CEP170: variants seen among roughly 807,000 people sequenced by gnomAD.
CEP170 encodes centrosomal protein 170.
Under a neutral mutation model 151.9 loss-of-function variants are expected in CEP170, and 21 were observed. That is an observed-to-expected ratio of 0.14 (90% CI 0.10 to 0.20). The LOEUF (loss-of-function observed/expected upper bound fraction) is 0.20. Ranked by LOEUF, CEP170 falls within the 10% of genes least tolerant of loss-of-function variation. The pLI is 1.00. For synonymous variants in CEP170, 356 were observed against 648.8 expected (o/e 0.55, Z 6.86); for missense variants, 964 against 1,892.9 (o/e 0.51, Z 9.11).
At position 243,159,830 on chromosome 1, in the gene CEP170, C is replaced by T. The variant is rs184963612; in HGVS notation, c.3677-3375G>A. 5.2e-3 allele frequency among the ~76,000 whole-genome samples: 584 copies of T among 111,794 alleles called. 1 individual carries two copies. Among genetic ancestry groups the T allele is most frequent in the Middle Eastern group, 9.7e-3 (2 of 206 alleles). 73.3% of individuals were successfully genotyped at this position (111,794 alleles called of 152,430 possible). On this transcript the variant is annotated intron_variant, in intron 13 of 19. Transcript: ENST00000366542. ...TTGAGATGGAGTCTCCCTCTGTCACCCAGGCTGGAGGGCAATGGCGCCATC... is the reference window on the plus strand; with the variant it reads ...TTGAGATGGAGTCTCCCTCTGTCACTCAGGCTGGAGGGCAATGGCGCCATC...
At chr1:243,174,059 A>T (rs7532960) in intron 10 of CEP170, among the ~76,000 whole-genome samples, 2,744 of 151,714 alleles carry the variant, frequency 0.018, 80 homozygotes, top group African/African-American at 0.059. Context: ...TGCAGATTCC[A>T]GGCCTATTTA....
chr1:243,178,726 T>TC (rs1173205922), intron 10 of CEP170, among the ~76,000 whole-genome samples: 59 of 148,200 alleles, frequency 4.0e-4, no homozygotes, highest in African/African-American at 1.4e-3. Flanking sequence ...TTCTTCTTCT[T>TC]TTTTTTTTTT....
At chr1:243,143,099 T>C (rs1360604271) in intron 14 of CEP170, among the ~76,000 whole-genome samples, 1 of 152,212 alleles carries the variant, frequency 6.6e-6, no homozygotes, top group Non-Finnish European at 1.5e-5. Flanking sequence ...TAACTGAATT[T>C]CAATATAATT....
At chr1:243,218,462 A>G (rs2148961904) in intron 3 of CEP170, among the ~76,000 whole-genome samples, 1 of 152,358 alleles carries the variant, frequency 6.6e-6, no homozygotes, top group South Asian at 2.1e-4. Context: ...ATGGCCCGTT[A>G]AAATATCAGC....
At position 243,125,828 on chromosome 1, in the gene CEP170, A is replaced by T. The variant is rs2053649602; in HGVS notation, c.*621T>A. 3.7e-6 allele frequency: 1 copy of T among 272,478 alleles called. No homozygotes were observed. The highest frequency in any genetic ancestry group is 4.9e-5 in the Admixed American group (1 of 20,568). The allele number at this position is 272,478 out of a possible 1,614,324, so 16.9% of individuals were successfully genotyped here. A position where few individuals can be genotyped will look rare whatever the true frequency, so the allele number is the denominator to read the frequency against. ...TCCCAGCAAATCTTAGTGCAAACAT[A>T]ATAGTTAATTTCCGTAAACCCCAAG... is the stretch of plus-strand genomic sequence containing the variant. On this transcript the variant is annotated 3_prime_UTR_variant, in exon 20 of 20. Transcript: ENST00000366542.
At chr1:243,193,646 G>A (rs577602413) in intron 7 of CEP170, among the ~76,000 whole-genome samples, 1 of 152,112 alleles carries the variant, frequency 6.6e-6, no homozygotes, top group African/African-American at 2.4e-5. Flanking sequence ...ACTTATACAA[G>A]TTAATAACTA....
chr1:243,150,151 C>T (rs553019337), intron 14 of CEP170, among the ~76,000 whole-genome samples: 227 of 152,128 alleles, frequency 1.5e-3, no homozygotes, highest in Non-Finnish European at 2.2e-3. Flanking sequence ...ATAGGTGTTC[C>T]GTGATACATC....
At chr1:243,212,481 A>T (rs533204363) in intron 3 of CEP170, among the ~76,000 whole-genome samples, 2 of 152,294 alleles carry the variant, frequency 1.3e-5, no homozygotes, top group East Asian at 3.9e-4. Flanking sequence ...CCCTTTAGGA[A>T]TCACATACAT....
chr1:243,162,799 T>C (rs902192043), intron 13 of CEP170, among the ~76,000 whole-genome samples: 1 of 152,164 alleles, frequency 6.6e-6, no homozygotes, highest in Non-Finnish European at 1.5e-5. Context: ...CAGAAGAAAT[T>C]TCATCAGGAA....
At chr1:243,182,594 C>A (rs1033189865) in intron 10 of CEP170, among the ~76,000 whole-genome samples, 4 of 152,186 alleles carry the variant, frequency 2.6e-5, no homozygotes, top group Non-Finnish European at 5.9e-5. Context: ...TCCCCACTGC[C>A]TTCGGCATTA....
chr1:243,156,564 T>C, intron 13 of CEP170, 109 bp from the exon 14 acceptor site: 2 of 1,026,346 alleles, frequency 1.9e-6, no homozygotes, highest in Non-Finnish European at 2.8e-6. Flanking sequence ...CGGCACAATT[T>C]TCAATAACTG....
intron 3 of CEP170, among the ~76,000 whole-genome samples, chr1:243,217,390 C>A (rs1216266381): frequency 6.6e-6 from 1 of 152,142 alleles, no homozygotes; most frequent in African/African-American, 2.4e-5. Flanking sequence ...ACCTAAAACA[C>A]CACATTTACT....
chr1:243,218,343 G>A (rs1373491494), intron 3 of CEP170, among the ~76,000 whole-genome samples: 1 of 152,260 alleles, frequency 6.6e-6, no homozygotes, highest in African/African-American at 2.4e-5. Context: ...GTAGGGCAGA[G>A]GCCATGGTGG....
intron 4 of CEP170, among the ~76,000 whole-genome samples, chr1:243,205,277 A>T (rs1419024804): frequency 1.3e-5 from 2 of 152,226 alleles, no homozygotes; most frequent in Admixed American, 1.3e-4. Context: ...GGCCAGGAAT[A>T]GTACCTACTC....
intron 10 of CEP170, chr1:243,176,808 G>C (rs1250396716): frequency 2.5e-6 from 1 of 396,060 alleles, no homozygotes; most frequent in Non-Finnish European, 4.9e-6. Context: ...AAAAAGAAGA[G>C]GCTGTCACCT....
intron 8 of CEP170, among the ~76,000 whole-genome samples, chr1:243,190,342 G>C (rs1433478034): frequency 6.6e-6 from 1 of 152,090 alleles, no homozygotes; most frequent in Non-Finnish European, 1.5e-5. Flanking sequence ...CTGATCAGCT[G>C]ATACATCAGT....
At chr1:243,214,573 A>AAAATT (rs2062104615) in intron 3 of CEP170, among the ~76,000 whole-genome samples, 1 of 130,918 alleles carries the variant, frequency 7.6e-6, no homozygotes, top group African/African-American at 2.5e-5. Context: ...GGGGTGAGCT[A>AAAATT]CTGCGCCCAG....
intron 8 of CEP170, among the ~76,000 whole-genome samples, chr1:243,188,862 T>C (rs1307921669): frequency 6.6e-6 from 1 of 152,278 alleles, no homozygotes; most frequent in African/African-American, 2.4e-5. Context: ...TTTTATATCC[T>C]AAATCATGGA....
At chr1:243,238,349 C>A (rs988245427) in intron 1 of CEP170, among the ~76,000 whole-genome samples, 1 of 151,898 alleles carries the variant, frequency 6.6e-6, no homozygotes, top group Non-Finnish European at 1.5e-5. Flanking sequence ...GTCCCAGCTA[C>A]AAGGGAGGCT....
Sources: gnomAD v4.1 joint callset for allele counts (sites outside exome capture counted in the v4.1 genomes callset) on GRCh38, gnomAD v4.1.1 for gene constraint, MANE v1.5 for transcripts, NCBI Gene and HGNC (gene_info 2026-07-23, HGNC 2026-07-21) for gene names.